CREB5: variants seen among roughly 807,000 people sequenced by gnomAD.
The protein encoded by CREB5 is cyclic AMP-responsive element-binding protein 5.
A neutral mutation model predicts 57.1 loss-of-function variants in CREB5; 19 were observed. That is an observed-to-expected ratio of 0.33 (90% CI 0.23 to 0.49). The LOEUF is 0.49. CREB5 is among the 20% of genes least tolerant of loss of function. The pLI is 0.99. For missense variants in CREB5, 579 were observed against 671.6 expected, an observed-to-expected ratio of 0.86 and a Z score of 1.52; for synonymous variants, 238 against 238.3, an observed-to-expected ratio of 1.00 and a Z score of 0.01.
At chr7:28,598,797 A>G (rs1240630041) in intron 5 of CREB5, among the ~76,000 whole-genome samples, 1 of 152,142 alleles carries the variant, frequency 6.6e-6, no homozygotes, top group East Asian at 1.9e-4. Flanking sequence ...ACTTTTCCCT[A>G]CAGAGTTTAG....
At chr7:28,709,738 A>C (rs934090449) in intron 5 of CREB5, among the ~76,000 whole-genome samples, 1 of 152,200 alleles carries the variant, frequency 6.6e-6, no homozygotes. Flanking sequence ...CAGATACTAC[A>C]TCCATAAAAT....
chr7:28,322,387 T>C (rs1312253031), intron 1 of CREB5, among the ~76,000 whole-genome samples: 1 of 152,184 alleles, frequency 6.6e-6, no homozygotes, highest in Non-Finnish European at 1.5e-5. Flanking sequence ...AGCTGAGATA[T>C]TGTCAAATTT....
At chr7:28,552,919 A>G (rs1184341879) in intron 4 of CREB5, among the ~76,000 whole-genome samples, 2 of 152,224 alleles carry the variant, frequency 1.3e-5, no homozygotes, top group Non-Finnish European at 2.9e-5. Flanking sequence ...CTGTTAGGAA[A>G]TAGGCCACTC....
intron 9 of CREB5, among the ~76,000 whole-genome samples, chr7:28,809,708 G>A (rs1224018003): frequency 6.6e-6 from 1 of 152,204 alleles, no homozygotes; most frequent in Non-Finnish European, 1.5e-5. Context: ...CCATGGTTCA[G>A]CAATTACTTG....
intron 7 of CREB5, among the ~76,000 whole-genome samples, chr7:28,794,959 C>T (rs1807942391): frequency 1.3e-5 from 2 of 152,152 alleles, no homozygotes; most frequent in South Asian, 4.1e-4. Context: ...TTGGGATACT[C>T]CCCTAGAGAA....
At chr7:28,425,755 T>C (rs1305604211) in intron 1 of CREB5, among the ~76,000 whole-genome samples, 2 of 152,184 alleles carry the variant, frequency 1.3e-5, no homozygotes, top group Non-Finnish European at 2.9e-5. Flanking sequence ...CAGACCTCAG[T>C]CTTACAGCAT....
intron 1 of CREB5, among the ~76,000 whole-genome samples, chr7:28,314,669 G>A (rs1785341421): frequency 6.6e-6 from 1 of 152,106 alleles, no homozygotes; most frequent in East Asian, 1.9e-4. Context: ...AGTGAGCAGC[G>A]ACACACTACC....
chr7:28,421,169 G>A (rs1399214050), intron 1 of CREB5, among the ~76,000 whole-genome samples: 2 of 151,936 alleles, frequency 1.3e-5, no homozygotes, highest in Non-Finnish European at 2.9e-5. Context: ...AGTCTCCAAT[G>A]TCCATTATAC....
chr7:28,503,708 A>T (rs1470912712), intron 3 of CREB5, among the ~76,000 whole-genome samples: 1 of 152,128 alleles, frequency 6.6e-6, no homozygotes, highest in African/African-American at 2.4e-5. Flanking sequence ...GTCTGCTCTT[A>T]AAAAAGATTG....
chr7:28,452,764 T>A (rs1277744255), intron 1 of CREB5, among the ~76,000 whole-genome samples: 2 of 152,154 alleles, frequency 1.3e-5, no homozygotes, highest in African/African-American at 4.8e-5. Flanking sequence ...CCACTGCCTC[T>A]TACTGGGAGA....
intron 1 of CREB5, among the ~76,000 whole-genome samples, chr7:28,435,381 A>ATTTTTTTTTT (rs34815040): frequency 9.7e-6 from 1 of 103,516 alleles, no homozygotes; most frequent in African/African-American, 3.7e-5. Flanking sequence ...TTTCCCTTCC[A>ATTTTTTTTTT]TTTTTTTTTT....
At chr7:28,710,287 A>G (rs994361611) in intron 5 of CREB5, among the ~76,000 whole-genome samples, 1 of 152,226 alleles carries the variant, frequency 6.6e-6, no homozygotes, top group Non-Finnish European at 1.5e-5. Context: ...ATATCTATTG[A>G]ACGTGATTCC....
At chr7:28,686,126 T>C (rs1239636243) in intron 5 of CREB5, 1 of 1,613,448 alleles carries the variant, frequency 6.2e-7, no homozygotes, top group East Asian at 2.2e-5. Context: ...GCTCAAATTC[T>C]ACACACACTC....
intron 7 of CREB5, among the ~76,000 whole-genome samples, chr7:28,802,387 G>T (rs576291191): frequency 6.6e-6 from 1 of 151,990 alleles, no homozygotes; most frequent in Non-Finnish European, 1.5e-5. Flanking sequence ...TAATTGAATT[G>T]GTATTTTTCA....
chr7:28,524,873 T>C (rs1243316181), intron 4 of CREB5, among the ~76,000 whole-genome samples: 1 of 152,222 alleles, frequency 6.6e-6, no homozygotes, highest in Non-Finnish European at 1.5e-5. Flanking sequence ...ATACAATATA[T>C]TGTTGTTAAC....
At chr7:28,454,528 A>T (rs1395675387) in intron 1 of CREB5, among the ~76,000 whole-genome samples, 1 of 152,058 alleles carries the variant, frequency 6.6e-6, no homozygotes, top group African/African-American at 2.4e-5. Context: ...TGTTCGCCAG[A>T]TTGCTTCCTG....
intron 7 of CREB5, among the ~76,000 whole-genome samples, chr7:28,739,501 A>G (rs1165975283): frequency 6.6e-6 from 1 of 152,202 alleles, no homozygotes; most frequent in Non-Finnish European, 1.5e-5. Context: ...AAACATATGT[A>G]TTTATTCAAG....
intron 1 of CREB5, among the ~76,000 whole-genome samples, chr7:28,450,316 A>G (rs1789733620): frequency 6.6e-6 from 1 of 152,220 alleles, no homozygotes; most frequent in African/African-American, 2.4e-5. Flanking sequence ...TGAAGGCTTT[A>G]CATAATATGA....
At chr7:28,390,776 T>A (rs1787200801) in intron 1 of CREB5, among the ~76,000 whole-genome samples, 1 of 152,166 alleles carries the variant, frequency 6.6e-6, no homozygotes, top group Non-Finnish European at 1.5e-5. Context: ...GTAAGCCCTC[T>A]AGCATTTTCT....
Sources: gnomAD v4.1 joint callset for allele counts (sites outside exome capture counted in the v4.1 genomes callset) on GRCh38, gnomAD v4.1.1 for gene constraint, MANE v1.5 for transcripts, NCBI Gene and HGNC (gene_info 2026-07-23, HGNC 2026-07-21) for gene names.